The following LRRC4B variants were observed in gnomAD, a reference collection of about 807,000 sequenced individuals.
The protein encoded by LRRC4B is leucine-rich repeat-containing protein 4B.
LRRC4B carries 1 observed loss-of-function variant against 7.3 expected under a neutral mutation model. The observed-to-expected ratio is 0.14, with a 90% CI of 0.05 to 0.65. The LOEUF is 0.65. Among genes scored for constraint, LRRC4B ranks in the 30% least tolerant of loss-of-function variants. LRRC4B has a pLI of 0.84. For missense variants in LRRC4B, 730 were observed against 1,041.6 expected, an observed-to-expected ratio of 0.70 and a Z score of 4.12; for synonymous variants, 500 against 499.2, an observed-to-expected ratio of 1.00 and a Z score of -0.02.
At chr19:50,566,146 C>A (rs1982620699) in intron 1 of LRRC4B, among the ~76,000 whole-genome samples, 1 of 138,454 alleles carries the variant, frequency 7.2e-6, no homozygotes, top group South Asian at 2.2e-4. Context: ...GCGAAGGCTG[C>A]GGAAGATGCT....
chr19:50,544,880 C>A (rs993586482), intron 2 of LRRC4B, among the ~76,000 whole-genome samples: 2 of 151,198 alleles, frequency 1.3e-5, no homozygotes, highest in East Asian at 1.9e-4. Flanking sequence ...CATAGTGAGA[C>A]CCTGTCTTCA....
intron 1 of LRRC4B, among the ~76,000 whole-genome samples, chr19:50,560,083 C>T (rs192801738): frequency 3.9e-5 from 6 of 152,154 alleles, no homozygotes; most frequent in African/African-American, 7.2e-5. Flanking sequence ...TGCAGTGAGC[C>T]GAGATCGCAC....
intron 2 of LRRC4B, among the ~76,000 whole-genome samples, chr19:50,533,855 G>A (rs1981155886): frequency 6.6e-6 from 1 of 152,160 alleles, no homozygotes; most frequent in Admixed American, 6.6e-5. Context: ...GAGAAGTAAA[G>A]TCACTTGTCC....
intron 1 of LRRC4B, among the ~76,000 whole-genome samples, chr19:50,561,770 A>G (rs1982471085): frequency 1.3e-5 from 2 of 151,698 alleles, no homozygotes; most frequent in Admixed American, 6.6e-5. Context: ...CTATGAGTGT[A>G]TTGTTATTAA....
chr19:50,548,264 G>A lies in LRRC4B; in HGVS notation c.297+278C>T, dbSNP rs1442839220. Among the ~76,000 whole-genome samples the A allele has an allele frequency of 2.6e-5, 4 of 152,222 alleles. No individual in the cohort carries two copies. Among genetic ancestry groups the A allele is most frequent in the African/African-American group, 7.2e-5 (3 of 41,464 alleles). On this transcript the variant is annotated intron_variant, in intron 2 of 2. Coordinates refer to ENST00000652263, the MANE Select transcript of LRRC4B (RefSeq NM_001080457.2). This position sits in a 1 kb window ranked among gnomAD's most constrained non-coding sequence, Gnocchi z 6.8. ...TCCAGGGCTCGGCCTAGGCCGACCC[G>A]CCTGTCCTGTGCCGGGGGGGCTGGG...
intron 2 of LRRC4B, among the ~76,000 whole-genome samples, chr19:50,541,368 CA>C (rs71332010): frequency 0.02 from 1,491 of 74,966 alleles, 28 homozygotes; most frequent in African/African-American, 0.064. Flanking sequence ...GACTCTATCT[CA>C]AAAAAAAAAA....
chr19:50,538,119 G>C (rs1981371504), intron 2 of LRRC4B, among the ~76,000 whole-genome samples: 1 of 128,056 alleles, frequency 7.8e-6, no homozygotes, highest in Non-Finnish European at 1.6e-5. Context: ...GAGTGCAGTG[G>C]CACAATCTCA....
chr19:50,531,343 TCTC>T (rs1981051487), intron 2 of LRRC4B, among the ~76,000 whole-genome samples: 1 of 152,096 alleles, frequency 6.6e-6, no homozygotes, highest in African/African-American at 2.4e-5. Flanking sequence ...GTTTTCCAAG[TCTC>T]CTTGGTGCCT....
At chr19:50,539,998 C>A (rs766670759) in intron 2 of LRRC4B, among the ~76,000 whole-genome samples, 12 of 151,612 alleles carry the variant, frequency 7.9e-5, no homozygotes, top group Non-Finnish European at 1.5e-4. Context: ...AGAGAAAAGA[C>A]CCTGTTGACC....
chr19:50,549,485 G>A (rs557138894), intron 1 of LRRC4B, among the ~76,000 whole-genome samples: 3 of 151,916 alleles, frequency 2.0e-5, no homozygotes, highest in East Asian at 1.9e-4. Context: ...CAGCTAAACC[G>A]AAAGACCCTC....
chr19:50,529,846 A>G (rs779163174), intron 2 of LRRC4B, among the ~76,000 whole-genome samples: 8 of 152,144 alleles, frequency 5.3e-5, no homozygotes, highest in Non-Finnish European at 8.8e-5. Flanking sequence ...TTGCTGGTCC[A>G]TGTGCTGTCA....
intron 1 of LRRC4B, among the ~76,000 whole-genome samples, chr19:50,552,520 C>T (rs954372678): frequency 6.6e-6 from 1 of 152,108 alleles, no homozygotes; most frequent in African/African-American, 2.4e-5. Flanking sequence ...AGGGCAGCCA[C>T]GTTCATTCAT....
At position 50,568,225 on chromosome 19, in the gene LRRC4B, T is replaced by C. The variant is rs1178993733; in HGVS notation, c.-317A>G. On this transcript the variant is annotated 5_prime_UTR_variant, in exon 1 of 3. Coordinates refer to ENST00000652263, the MANE Select transcript of LRRC4B (RefSeq NM_001080457.2). ...CCGCGCCCTCGCCCGCCGCCCGCCTTCCTTCTTGCCTTCCTTTCTTTCCTT... is the reference window on the plus strand; with the variant it reads ...CCGCGCCCTCGCCCGCCGCCCGCCTCCCTTCTTGCCTTCCTTTCTTTCCTT... Among the ~76,000 whole-genome samples, 2 of 151,512 alleles carry C rather than the reference T, an allele frequency of 1.3e-5. No individual in the cohort carries two copies. The highest frequency in any genetic ancestry group is 2.9e-5 in the Non-Finnish European group (2 of 67,830).
chr19:50,536,464 C>A (rs1266346575), intron 2 of LRRC4B, among the ~76,000 whole-genome samples: 2 of 152,226 alleles, frequency 1.3e-5, no homozygotes, highest in Non-Finnish European at 2.9e-5. Context: ...CGACCTCTTT[C>A]TGCACGCAGT....
At chr19:50,531,883 A>C (rs779601505) in intron 2 of LRRC4B, among the ~76,000 whole-genome samples, 19 of 152,354 alleles carry the variant, frequency 1.2e-4, no homozygotes, top group Non-Finnish European at 2.8e-4. Flanking sequence ...GCGAGCATGC[A>C]GTAATAGATA....
rs1262263204 is a variant in LRRC4B, at chr19:50,519,943, C to G, written c.298-528G>C. ...ACAGGGGTGGCTCATGCCTGTAATC[C>G]CAGCACTTTGGGAGGCTGAGGTGGG... is the stretch of plus-strand genomic sequence containing the variant. On this transcript the variant is annotated intron_variant, in intron 2 of 2. Transcript: ENST00000652263. This position sits in a 1 kb window ranked among gnomAD's most constrained non-coding sequence, Gnocchi z 8.1. 1.3e-5 allele frequency among the ~76,000 whole-genome samples: 2 copies of G among 149,388 alleles called. No homozygotes were observed. The highest frequency in any genetic ancestry group is 3.0e-5 in the Non-Finnish European group (2 of 67,470).
chr19:50,535,082 A>T (rs188319522), intron 2 of LRRC4B, among the ~76,000 whole-genome samples: 4 of 152,004 alleles, frequency 2.6e-5, no homozygotes, highest in Admixed American at 6.6e-5. Flanking sequence ...GTTAGCCAGG[A>T]TGGTCTCGAT....
chr19:50,535,014 GC>G (rs1981205044), intron 2 of LRRC4B, among the ~76,000 whole-genome samples: 1 of 151,560 alleles, frequency 6.6e-6, no homozygotes, highest in Non-Finnish European at 1.5e-5. Flanking sequence ...GATTACAGGC[GC>G]CTGCCACCAC....
At chr19:50,554,314 G>A (rs914023242) in intron 1 of LRRC4B, among the ~76,000 whole-genome samples, 2 of 152,088 alleles carry the variant, frequency 1.3e-5, no homozygotes, top group South Asian at 2.1e-4. Context: ...CACATCTCAC[G>A]TCAGCTGGAC....
Sources: allele counts gnomAD v4.1 joint callset (sites outside exome capture counted in the v4.1 genomes callset), GRCh38; gene constraint gnomAD v4.1.1; non-coding constraint Gnocchi (gnomAD v3.1); transcripts MANE v1.5; gene names NCBI Gene and HGNC (gene_info 2026-07-23, HGNC 2026-07-21).